TCF20: variants seen among roughly 807,000 people sequenced by gnomAD.
The protein encoded by TCF20 is transcription factor 20.
Under a neutral mutation model 148.6 loss-of-function variants are expected in TCF20, and 3 were observed. That is an observed-to-expected ratio of 0.02 (90% CI 0.01 to 0.05). The LOEUF (loss-of-function observed/expected upper bound fraction) is 0.05. Among genes scored for constraint, TCF20 ranks in the 10% least tolerant of loss-of-function variants. The pLI is 1.00. For missense variants in TCF20, 2,350 were observed against 2,429.3 expected, an observed-to-expected ratio of 0.97 and a Z score of 0.69; for synonymous variants, 1,049 against 909.5, an observed-to-expected ratio of 1.15 and a Z score of -2.76.
chr22:42,232,307 G>GTACA (rs1032304494), intron 1 of TCF20, among the ~76,000 whole-genome samples: 3 of 152,016 alleles, frequency 2.0e-5, no homozygotes, highest in African/African-American at 7.2e-5. Context: ...GTGTGTGTAA[G>GTACA]TACATCCTAA....
chr22:42,227,138 C>G (rs1922983178), intron 1 of TCF20, among the ~76,000 whole-genome samples: 1 of 152,160 alleles, frequency 6.6e-6, no homozygotes. Context: ...CAAAAATTAG[C>G]TGGGCATGGT....
rs1352174328 is a variant in TCF20, at chr22:42,226,135, C to CA, written c.-36-10795_-36-10794insT. Among the ~76,000 whole-genome samples, 3 of 152,140 alleles carry CA rather than the reference C, an allele frequency of 2.0e-5. No homozygotes were observed. The East Asian group carries it at 5.8e-4, about 29-fold the overall frequency. ...TTTTCACAGGGGCATCCCAAGATCA[C>CA]TTCAGATGACCACATATGTGAGCAG... On this transcript the variant is annotated intron_variant, in intron 1 of 5. Coordinates refer to ENST00000677622, the MANE Select transcript of TCF20 (RefSeq NM_001378418.1).
chr22:42,225,664 A>G (rs1163191304), intron 1 of TCF20, among the ~76,000 whole-genome samples: 2 of 151,666 alleles, frequency 1.3e-5, no homozygotes, highest in Non-Finnish European at 2.9e-5. Flanking sequence ...GAACTATCTC[A>G]ACAGTATCAG....
chr22:42,197,546 T>C (rs1937661514), intron 2 of TCF20, among the ~76,000 whole-genome samples: 1 of 152,088 alleles, frequency 6.6e-6, no homozygotes, highest in Non-Finnish European at 1.5e-5. Flanking sequence ...ATGGTCTCGA[T>C]CTCCTGACCT....
At chr22:42,276,335 G>A (rs1443911844) in intron 1 of TCF20, 2 of 152,180 alleles carry the variant, frequency 1.3e-5, no homozygotes, top group Admixed American at 1.3e-4. Context: ...CACAACACCA[G>A]GGCAGCCTCC....
chr22:42,165,988 G>C (rs1395266150), intron 5 of TCF20, among the ~76,000 whole-genome samples: 3 of 152,194 alleles, frequency 2.0e-5, no homozygotes, highest in African/African-American at 7.2e-5. Flanking sequence ...GTGGCTCTCT[G>C]TCCCCAGCAT....
intron 1 of TCF20, among the ~76,000 whole-genome samples, chr22:42,312,844 C>A (rs2147043012): frequency 6.6e-6 from 1 of 152,246 alleles, no homozygotes; most frequent in South Asian, 2.1e-4. Flanking sequence ...AAGCATGGGG[C>A]CCCAATCTAG....
intron 1 of TCF20, among the ~76,000 whole-genome samples, chr22:42,333,706 A>G (rs949680833): frequency 6.6e-6 from 1 of 151,946 alleles, no homozygotes; most frequent in Non-Finnish European, 1.5e-5. Flanking sequence ...TGCTCCACGC[A>G]GTAGGTACTA....
At chr22:42,230,139 C>T (rs571636598) in intron 1 of TCF20, among the ~76,000 whole-genome samples, 2 of 152,350 alleles carry the variant, frequency 1.3e-5, no homozygotes, top group South Asian at 4.1e-4. Context: ...GCTTTCCCTT[C>T]CCTGCCTCCC....
At chr22:42,164,303 G>A (rs985191539) in intron 5 of TCF20, among the ~76,000 whole-genome samples, 1 of 145,206 alleles carries the variant, frequency 6.9e-6, no homozygotes, top group Non-Finnish European at 1.5e-5. Context: ...CAAGCTCCAC[G>A]TCCCGGGTTC....
At chr22:42,242,471 A>G (rs892346914) in intron 1 of TCF20, among the ~76,000 whole-genome samples, 3 of 152,092 alleles carry the variant, frequency 2.0e-5, no homozygotes, top group African/African-American at 7.2e-5. Flanking sequence ...CCACAATTAA[A>G]TATCTATTGT....
intron 2 of TCF20, 45 bp from the exon 3 acceptor site, chr22:42,179,747 G>A (rs1296350046): frequency 1.5e-6 from 2 of 1,377,518 alleles, no homozygotes. Context: ...CCCAGATTTG[G>A]CCCTCTCCTC....
intron 1 of TCF20, among the ~76,000 whole-genome samples, chr22:42,249,510 A>G (rs1007904037): frequency 2.0e-5 from 3 of 152,230 alleles, no homozygotes; most frequent in East Asian, 1.9e-4. Flanking sequence ...AAAGGCTCTG[A>G]TAAGTGTACA....
chr22:42,288,059 C>G (rs766302482), upstream of TCF20, among the ~76,000 whole-genome samples: 13 of 152,050 alleles, frequency 8.5e-5, no homozygotes, highest in Non-Finnish European at 1.5e-4. Context: ...TACAGAAAGC[C>G]CTCTTGAGCT....
At chr22:42,177,648 C>T (rs1028560830) in intron 3 of TCF20, among the ~76,000 whole-genome samples, 1 of 152,186 alleles carries the variant, frequency 6.6e-6, no homozygotes, top group African/African-American at 2.4e-5. Flanking sequence ...TGCAAAACAT[C>T]CCCCTATCAT....
intron 1 of TCF20, among the ~76,000 whole-genome samples, chr22:42,330,507 C>A (rs1230980046): frequency 2.0e-5 from 3 of 152,206 alleles, no homozygotes; most frequent in Non-Finnish European, 4.4e-5. Flanking sequence ...TCTTTTCTAT[C>A]CCCTAGATGA....
intron 2 of TCF20, among the ~76,000 whole-genome samples, chr22:42,192,105 G>A (rs1189499393): frequency 6.6e-6 from 1 of 152,182 alleles, no homozygotes; most frequent in African/African-American, 2.4e-5. Context: ...CTCCAGGGAA[G>A]TGACTCTTGG....
chr22:42,202,490 T>C (rs1938101031), intron 2 of TCF20, among the ~76,000 whole-genome samples: 1 of 152,236 alleles, frequency 6.6e-6, no homozygotes, highest in African/African-American at 2.4e-5. Flanking sequence ...GGAATTCATA[T>C]GAAGCAGTGT....
chr22:42,172,038 C>T (rs1346864165), intron 3 of TCF20, among the ~76,000 whole-genome samples: 1 of 152,230 alleles, frequency 6.6e-6, no homozygotes, highest in Non-Finnish European at 1.5e-5. Flanking sequence ...ACTATGAATG[C>T]ACGCTAACGA....
Sources: gnomAD v4.1 joint callset for allele counts (sites outside exome capture counted in the v4.1 genomes callset) on GRCh38, gnomAD v4.1.1 for gene constraint, MANE v1.5 for transcripts, NCBI Gene and HGNC (gene_info 2026-07-23, HGNC 2026-07-21) for gene names.